The following KIF7 variants were observed in gnomAD, a reference collection of about 807,000 sequenced individuals.
KIF7 encodes kinesin-like protein KIF7.
KIF7 carries 104 observed loss-of-function variants against 135.7 expected under a neutral mutation model. The observed-to-expected ratio is 0.77, with a 90% CI of 0.65 to 0.90. KIF7 has a LOEUF of 0.90. Among genes scored for constraint, KIF7 ranks in the 40% least tolerant of loss-of-function variants. The pLI is 0.00. For synonymous variants in KIF7, 883 were observed against 809.4 expected (o/e 1.09, Z -1.54); for missense variants, 2,005 against 1,839.1 (o/e 1.09, Z -1.65).
In KIF7 at chr15:89,631,498, G is replaced by A. The variant is rs201713717; in HGVS notation, c.3108C>T (p.Pro1036=). 1.8e-5 allele frequency: 29 copies of A among 1,571,418 alleles called. No homozygotes were observed. Among genetic ancestry groups the A allele is most frequent in the East Asian group, 7.0e-5 (3 of 42,744 alleles). Residue 1036 remains proline, a synonymous_variant, in exon 15 of 19, where the codon CCC becomes CCT. Coordinates refer to ENST00000394412, the MANE Select transcript of KIF7 (RefSeq NM_198525.3). ...GAGCCATGGGGCCGCAGGGTACCTC[G>A]GGGGACAGCAGACTCCCCTGCCTCA... ...GKLRQGSLLS[P]EEERTLFQLD...
At chr15:89,646,352 C>A (rs1037901065) in intron 7 of KIF7, among the ~76,000 whole-genome samples, 5 of 152,172 alleles carry the variant, frequency 3.3e-5, no homozygotes, top group African/African-American at 1.2e-4. Context: ...GAGACTTCTG[C>A]CAACCCCCAG....
Position 89,631,563 on chromosome 15 carries a change from CCTT to C in KIF7, c.3040_3042del (p.Lys1014del), listed in dbSNP as rs1963677536. On this transcript the variant is annotated inframe_deletion, in exon 15 of 19. Transcript: ENST00000394412. ...TCCAGGCGCTGCTTGAGCAGCGAGTCCTTCTCCTGGCGCAGGCTGTCGATCTCC... is the reference window on the plus strand; with the variant it reads ...TCCAGGCGCTGCTTGAGCAGCGAGTCCTCCTGGCGCAGGCTGTCGATCTCC... 7.6e-6 allele frequency: 12 copies of C among 1,574,176 alleles called. No individual in the cohort carries two copies. Among genetic ancestry groups the C allele is most frequent in the African/African-American group, 1.3e-5 (1 of 74,080 alleles).
intron 15 of KIF7, 189 bp from the exon 16 acceptor site, chr15:89,630,682 G>C (rs940751302): frequency 1.5e-6 from 1 of 651,880 alleles, no homozygotes; most frequent in Non-Finnish European, 2.8e-6. Context: ...GGGTGAGCTG[G>C]GGGCACTGCT....
At chr15:89,619,221 C>CTCTTT (rs775020405) in intron 1 of KIF7, among the ~76,000 whole-genome samples, 1 of 112,006 alleles carries the variant, frequency 8.9e-6, no homozygotes, top group Non-Finnish European at 1.7e-5. Flanking sequence ...CACCATTCTT[C>CTCTTT]TTTTTTTTTT....
Position 89,642,315 on chromosome 15 carries a change from T to G in KIF7, c.2282A>C (p.Glu761Ala). 6.2e-7 allele frequency: 1 copy of G among 1,611,060 alleles called. No individual in the cohort carries two copies. Among genetic ancestry groups the G allele is most frequent in the African/African-American group, 1.3e-5 (1 of 74,994 alleles). The stretch of plus-strand genomic sequence containing the variant: ...GAGCTCCCGCAGCTGCCTCTGGCCT[T>G]CACTCAGCTCGGCCCGCACCTGCTC... ...EAEQVRAELS[E>A]GQRQLRELEG... The change falls in exon 11 of 19, where the codon GAA (glutamate) becomes GCA (alanine). Residue 761 changes from glutamate to alanine, a missense_variant. Glu to Ala is a moderately radical substitution (Grantham distance 107, BLOSUM62 -1). Transcript: ENST00000394412.
Position 89,649,732 on chromosome 15 carries a change from G to A in KIF7, c.529+9C>T. The A allele has an allele frequency of 6.4e-7, 1 of 1,551,514 alleles. No individual in the cohort carries two copies. The highest frequency in any genetic ancestry group is 1.2e-5 in the South Asian group (1 of 84,046). Reference sequence around the variant, plus strand: ...CTCTCCGTCAGTGGAGGACCCCAGAGTTCCTCACCAACATTCCCGCGCTCA... The same window carrying A: ...CTCTCCGTCAGTGGAGGACCCCAGAATTCCTCACCAACATTCCCGCGCTCA... On this transcript the variant is annotated intron_variant, in intron 3 of 18. Coordinates refer to ENST00000394412, the MANE Select transcript of KIF7 (RefSeq NM_198525.3).
intron 15 of KIF7, 84 bp from the exon 16 acceptor site, chr15:89,630,577 A>G: frequency 8.5e-7 from 1 of 1,172,728 alleles, no homozygotes. Flanking sequence ...GCCAACACGT[A>G]GCCACAACTG....
At chr15:89,621,500 A>C in intron 1 of KIF7, 5 of 1,613,940 alleles carry the variant, frequency 3.1e-6, no homozygotes, top group Non-Finnish European at 3.4e-6. Flanking sequence ...AGCTCGAATG[A>C]AAAAGCGTTC....
intron 16 of KIF7, 195 bp downstream of exon 16, chr15:89,630,092 G>A (rs887329084): frequency 1.6e-6 from 1 of 625,630 alleles, no homozygotes. Flanking sequence ...CAGAAGTGGG[G>A]GGCGGGTAGG....
At chr15:89,655,734 T>A (rs1213324819), upstream of KIF7, among the ~76,000 whole-genome samples, 1 of 152,242 alleles carries the variant, frequency 6.6e-6, no homozygotes, top group Admixed American at 6.5e-5. Flanking sequence ...CCCCGGTCTC[T>A]GTTTTCCACT....
chr15:89,638,221 C>A (rs1241511157), intron 11 of KIF7, among the ~76,000 whole-genome samples: 4 of 108,210 alleles, frequency 3.7e-5, no homozygotes, highest in African/African-American at 1.4e-4. Context: ...GGAAGCATTC[C>A]CTTTGAAAAC....
intron 1 of KIF7, 45 bp downstream of exon 1, chr15:89,655,354 C>G (rs922381130): frequency 6.6e-6 from 1 of 152,278 alleles, no homozygotes; most frequent in African/African-American, 2.4e-5. Context: ...CCTCCCTCCA[C>G]CCACCCGGTC....
intron 3 of KIF7, 146 bp downstream of exon 3, chr15:89,649,595 T>C (rs1251270010): frequency 2.0e-6 from 2 of 987,056 alleles, no homozygotes; most frequent in East Asian, 2.6e-5. Flanking sequence ...CTGAACTCAG[T>C]GGAGGCAAGA....
At chr15:89,642,509 T>C in intron 10 of KIF7, 104 bp from the exon 11 acceptor site, 1 of 891,604 alleles carries the variant, frequency 1.1e-6, no homozygotes, top group Non-Finnish European at 1.7e-6. Context: ...CCTGTGTGGG[T>C]TTCACCAAGC....
In KIF7 at chr15:89,619,723, G is replaced by A. The variant is rs199564658; in HGVS notation, c.181-1528C>T. 40 of 1,611,138 alleles carry A rather than the reference G, an allele frequency of 2.5e-5. 1 individual carries two copies. The highest frequency in any genetic ancestry group is 3.3e-4 in the Middle Eastern group (2 of 6,036). On this transcript the variant is annotated intron_variant and NMD_transcript_variant, in intron 1 of 2. Coordinates refer to the KIF7 transcript ENST00000558928. ...GATTTTACAGAAATAAGTCTGAGAC[G>A]AAGTCCTCGAATCAAGCAGTTGTCA...
intron 15 of KIF7, chr15:89,631,107 A>G: frequency 3.8e-6 from 1 of 260,564 alleles, no homozygotes; most frequent in South Asian, 6.2e-5. Context: ...ACAGCACATG[A>G]CTATAGTCAC....
downstream of KIF7, chr15:89,625,652 A>G (rs775880355): frequency 1.9e-5 from 30 of 1,613,580 alleles, no homozygotes; most frequent in Admixed American, 6.7e-5. Flanking sequence ...TTGGCCAAGG[A>G]AGAAGCTGAC....
At chr15:89,621,347 A>C in intron 1 of KIF7, 2 of 1,569,604 alleles carry the variant, frequency 1.3e-6, no homozygotes, top group Non-Finnish European at 1.7e-6. Flanking sequence ...TTGGAAGAAC[A>C]GGAATTGAGA....
In KIF7 at chr15:89,629,006, C is replaced by G. The variant is rs776816025; in HGVS notation, c.3634G>C (p.Gly1212Arg). The G allele has an allele frequency of 1.8e-5, 29 of 1,613,712 alleles. No individual in the cohort carries two copies. The highest frequency in any genetic ancestry group is 2.5e-5 in the Non-Finnish European group (29 of 1,179,976). Residue 1212 changes from glycine to arginine, a missense_variant, in exon 18 of 19, where the codon GGC (glycine) becomes CGC (arginine). Transcript: ENST00000394412. ...CTGTGGCCTACAGCGTTCACACCGC[C>G]GAGCTTCTGTTTCAGTTCCTGGTTT... is the stretch of plus-strand genomic sequence containing the variant. Reference protein sequence around the residue: ...WINQELKQKLGGVNAVGHSRG... With the variant: ...WINQELKQKLRGVNAVGHSRG...
Sources: gnomAD v4.1 joint callset for allele counts (sites outside exome capture counted in the v4.1 genomes callset) on GRCh38, gnomAD v4.1.1 for gene constraint, MANE v1.5 for transcripts, NCBI Gene and HGNC (gene_info 2026-07-23, HGNC 2026-07-21) for gene names.